The following RFTN2 variants were observed in gnomAD, a reference collection of about 807,000 sequenced individuals.
RFTN2 encodes raftlin family member 2, also known as raftlin-2.
In RFTN2, 34 loss-of-function variants were observed where a neutral mutation model predicts 52.7. The ratio of observed to expected loss-of-function variants is 0.64; its 90% CI spans 0.49 to 0.86. The LOEUF (loss-of-function observed/expected upper bound fraction) is 0.86, where lower values mean the gene tolerates loss of function less well. RFTN2 is among the 40% of genes least tolerant of loss of function. The pLI is 0.00. For missense variants in RFTN2, 536 were observed against 600.1 expected, an observed-to-expected ratio of 0.89 and a Z score of 1.12; for synonymous variants, 203 against 217.7, an observed-to-expected ratio of 0.93 and a Z score of 0.59.
chr2:197,586,447 T>C (rs769858936), intron 8 of RFTN2, among the ~76,000 whole-genome samples: 6 of 152,222 alleles, frequency 3.9e-5, no homozygotes, highest in Non-Finnish European at 7.3e-5. Context: ...TTTTGCTTTA[T>C]ACAAGGTCTC....
rs144912161 is a variant in RFTN2, at chr2:197,568,690, C to G, written c.*3318G>C. On this transcript the variant is annotated 3_prime_UTR_variant, in exon 9 of 9. Coordinates refer to ENST00000295049, the MANE Select transcript of RFTN2 (RefSeq NM_144629.3). ...TTTACACTTTCCATACAGTACTACT[C>G]TGGGGCTCTGAAGAGTTAAGAGAAA... 2.6e-5 allele frequency: 4 copies of G among 152,150 alleles called. No individual in the cohort carries two copies. Among genetic ancestry groups the G allele is most frequent in the Non-Finnish European group, 5.9e-5 (4 of 68,042 alleles). The allele number at this position is 152,150 out of a possible 1,614,324, so 9.4% of individuals were successfully genotyped here.
intron 1 of RFTN2, among the ~76,000 whole-genome samples, chr2:197,663,022 C>T (rs781471793): frequency 3.3e-5 from 5 of 151,812 alleles, no homozygotes; most frequent in South Asian, 2.1e-4. Flanking sequence ...CCTTCTATGC[C>T]GAGTTTGTTG....
intron 1 of RFTN2, among the ~76,000 whole-genome samples, chr2:197,673,034 C>A (rs1198206745): frequency 2.6e-5 from 4 of 152,104 alleles, no homozygotes; most frequent in Non-Finnish European, 5.9e-5. Context: ...TTCAGAGGGT[C>A]TCCTCCTCCT....
At chr2:197,622,146 G>A (rs1370009587) in intron 5 of RFTN2, among the ~76,000 whole-genome samples, 1 of 152,140 alleles carries the variant, frequency 6.6e-6, no homozygotes, top group Non-Finnish European at 1.5e-5. Context: ...AGCCAACAGA[G>A]GTTGGTTCAT....
intron 8 of RFTN2, among the ~76,000 whole-genome samples, chr2:197,587,589 C>T (rs1181396895): frequency 6.6e-6 from 1 of 151,782 alleles, no homozygotes; most frequent in Non-Finnish European, 1.5e-5. Context: ...CTACCCAAAT[C>T]CTATAAAACG....
intron 8 of RFTN2, among the ~76,000 whole-genome samples, chr2:197,572,916 C>G (rs902810987): frequency 7.9e-5 from 12 of 152,196 alleles, no homozygotes; most frequent in African/African-American, 2.9e-4. Context: ...CACATGCTCT[C>G]TCTTGCCTGC....
chr2:197,663,036 G>GT (rs1321459285), intron 1 of RFTN2, among the ~76,000 whole-genome samples: 1 of 152,100 alleles, frequency 6.6e-6, no homozygotes, highest in African/African-American at 2.4e-5. Flanking sequence ...TTTGTTGAGA[G>GT]TTTTTGTCAA....
Position 197,571,882 on chromosome 2 carries a change from G to A in RFTN2, c.*126C>T, listed in dbSNP as rs2106155766. Reference sequence around the variant, plus strand: ...GTTGTGCCAAAGTTTACATAGATTAGAGGAAAGGCTGGGTCTGGAAAAATT... The same window carrying A: ...GTTGTGCCAAAGTTTACATAGATTAAAGGAAAGGCTGGGTCTGGAAAAATT... On this transcript the variant is annotated 3_prime_UTR_variant, in exon 9 of 9. Transcript: ENST00000295049. 1 of 890,218 alleles carries A rather than the reference G, an allele frequency of 1.1e-6. No individual in the cohort carries two copies. Among genetic ancestry groups the A allele is most frequent in the African/African-American group, 1.7e-5 (1 of 59,826 alleles). The allele number at this position is 890,218 out of a possible 1,614,324, so 55.1% of individuals were successfully genotyped here. A position where few individuals can be genotyped will look rare whatever the true frequency, so the allele number is the denominator to read the frequency against.
At chr2:197,669,736 G>C (rs1015267282) in intron 1 of RFTN2, among the ~76,000 whole-genome samples, 1 of 152,182 alleles carries the variant, frequency 6.6e-6, no homozygotes, top group Admixed American at 6.5e-5. Context: ...ACCTCTGGCT[G>C]TGTGGCCCTG....
chr2:197,583,925 G>A (rs959345587), intron 8 of RFTN2, among the ~76,000 whole-genome samples: 2 of 151,408 alleles, frequency 1.3e-5, no homozygotes, highest in African/African-American at 2.4e-5. Flanking sequence ...ATGATTTCCA[G>A]CTTCATCCAT....
At position 197,625,585 on chromosome 2, in the gene RFTN2, C is replaced by A. The variant is rs370654213; in HGVS notation, c.928+5426G>T. ...ATCTCTCTAGGGAGCACTGCAACAG[C>A]CTCTTAACAGCCTCCCCACCACACT... On this transcript the variant is annotated intron_variant, in intron 5 of 8. Transcript: ENST00000295049. Among the ~76,000 whole-genome samples the A allele has an allele frequency of 2.0e-4, 31 of 152,052 alleles. No individual in the cohort carries two copies. The East Asian group carries it at 2.7e-3, about 13-fold the overall frequency.
chr2:197,614,150 T>C (rs2088105469), intron 7 of RFTN2, among the ~76,000 whole-genome samples: 1 of 152,232 alleles, frequency 6.6e-6, no homozygotes, highest in African/African-American at 2.4e-5. Flanking sequence ...CCTTGTTTTG[T>C]ACATATGAAA....
chr2:197,674,778 T>TA (rs1290236645), intron 1 of RFTN2, among the ~76,000 whole-genome samples: 2 of 152,002 alleles, frequency 1.3e-5, no homozygotes, highest in African/African-American at 4.8e-5. Context: ...GGAAGTGTCT[T>TA]ACAGAAGGCT....
At chr2:197,635,211 C>G (rs1435657510) in intron 3 of RFTN2, among the ~76,000 whole-genome samples, 1 of 152,078 alleles carries the variant, frequency 6.6e-6, no homozygotes, top group Non-Finnish European at 1.5e-5. Flanking sequence ...GTGCATGTGT[C>G]TTTATAGCAG....
intron 1 of RFTN2, among the ~76,000 whole-genome samples, chr2:197,661,470 A>C (rs1329844626): frequency 6.6e-6 from 1 of 152,030 alleles, no homozygotes; most frequent in Non-Finnish European, 1.5e-5. Context: ...CTGGGATTTC[A>C]TTCTTTTTTA....
chr2:197,603,002 T>C (rs2087903042), intron 7 of RFTN2, among the ~76,000 whole-genome samples: 1 of 152,126 alleles, frequency 6.6e-6, no homozygotes, highest in East Asian at 1.9e-4. Flanking sequence ...ATGTTCTCAC[T>C]CATAGGTGGG....
intron 3 of RFTN2, among the ~76,000 whole-genome samples, chr2:197,638,841 T>A (rs1377413742): frequency 2.0e-5 from 3 of 148,672 alleles, no homozygotes; most frequent in Non-Finnish European, 4.5e-5. Flanking sequence ...GTCTCGATGG[T>A]CTTTACATTT....
chr2:197,618,005 A>G, intron 5 of RFTN2, 84 bp from the exon 6 acceptor site: 2 of 1,060,544 alleles, frequency 1.9e-6, no homozygotes, highest in Non-Finnish European at 2.5e-6. Flanking sequence ...TAACTCATAT[A>G]GGAAACTGAA....
chr2:197,596,539 T>A (rs1030507093), intron 7 of RFTN2, among the ~76,000 whole-genome samples: 1 of 152,254 alleles, frequency 6.6e-6, no homozygotes, highest in Non-Finnish European at 1.5e-5. Context: ...GATACCAAAA[T>A]GTACTAAGCC....
Sources: gnomAD v4.1 joint callset for allele counts (sites outside exome capture counted in the v4.1 genomes callset) on GRCh38, gnomAD v4.1.1 for gene constraint, MANE v1.5 for transcripts, NCBI Gene and HGNC (gene_info 2026-07-23, HGNC 2026-07-21) for gene names.